Variants in CTNNA2 observed in about 807,000 individuals in gnomAD.
The protein encoded by CTNNA2 is catenin alpha 2, also known as catenin alpha-2.
In CTNNA2, 42 loss-of-function variants were observed where a neutral mutation model predicts 101.0. That is an observed-to-expected ratio of 0.42 (90% CI 0.32 to 0.54). The LOEUF (loss-of-function observed/expected upper bound fraction) is 0.54, where lower values mean the gene tolerates loss of function less well. Ranked by LOEUF, CTNNA2 falls within the 20% of genes least tolerant of loss-of-function variation. The pLI is 0.14. For synonymous variants in CTNNA2, 450 were observed against 456.4 expected (o/e 0.99, Z 0.18); for missense variants, 871 against 1,223.1 (o/e 0.71, Z 4.29).
At chr2:79,522,471 C>A (rs1225381129) in intron 1 of CTNNA2, among the ~76,000 whole-genome samples, 4 of 152,126 alleles carry the variant, frequency 2.6e-5, no homozygotes, top group African/African-American at 4.8e-5. Context: ...ACAGAATGAT[C>A]GAGTGTGTCC....
At chr2:80,018,650 ACGTGCCTGTAGTCCCAGCTACTCG>A (rs1694323026) in intron 7 of CTNNA2, among the ~76,000 whole-genome samples, 1 of 152,010 alleles carries the variant, frequency 6.6e-6, no homozygotes, top group Non-Finnish European at 1.5e-5. Flanking sequence ...GCGTGGTGGC[ACGTGCCTGTAGTCCCAGCTACTCG>A]GGAGGCTGAG....
At chr2:79,945,627 G>A (rs759174785) in intron 7 of CTNNA2, among the ~76,000 whole-genome samples, 68 of 152,186 alleles carry the variant, frequency 4.5e-4, no homozygotes, top group Non-Finnish European at 8.2e-4. Flanking sequence ...AAAGCACTAG[G>A]TTTTTGACTT....
intron 2 of CTNNA2, among the ~76,000 whole-genome samples, chr2:79,727,086 C>G (rs958225069): frequency 6.6e-6 from 1 of 152,208 alleles, no homozygotes; most frequent in African/African-American, 2.4e-5. Flanking sequence ...CTCAAAATCA[C>G]TAGCACATTG....
At chr2:79,211,157 T>C (rs1674167129) in intron 2 of CTNNA2, among the ~76,000 whole-genome samples, 1 of 152,204 alleles carries the variant, frequency 6.6e-6, no homozygotes, top group Admixed American at 6.5e-5. Context: ...TAAGTGGATG[T>C]TTGTTTAAAT....
intron 7 of CTNNA2, among the ~76,000 whole-genome samples, chr2:80,266,537 T>C (rs1673016483): frequency 6.6e-6 from 1 of 152,248 alleles, no homozygotes; most frequent in Admixed American, 6.5e-5. Flanking sequence ...TGATTTGTTA[T>C]ACAATTTTTC....
chr2:79,835,977 T>G (rs1679336259), intron 3 of CTNNA2, among the ~76,000 whole-genome samples: 1 of 152,206 alleles, frequency 6.6e-6, no homozygotes, highest in South Asian at 2.1e-4. Context: ...CTTGCACACC[T>G]CAGTTTTCAC....
At chr2:79,461,490 A>G (rs1160654358) in intron 4 of CTNNA2, among the ~76,000 whole-genome samples, 1 of 152,100 alleles carries the variant, frequency 6.6e-6, no homozygotes, top group East Asian at 1.9e-4. Flanking sequence ...GTTTACATTG[A>G]CACCGTGTTT....
intron 7 of CTNNA2, among the ~76,000 whole-genome samples, chr2:80,329,433 C>G (rs2149260096): frequency 6.6e-6 from 1 of 152,272 alleles, no homozygotes; most frequent in South Asian, 2.1e-4. Flanking sequence ...TTTTCTCTCT[C>G]TTAATGAATG....
At chr2:79,926,773 G>T (rs1687048035) in intron 7 of CTNNA2, among the ~76,000 whole-genome samples, 1 of 151,586 alleles carries the variant, frequency 6.6e-6, no homozygotes, top group African/African-American at 2.4e-5. Flanking sequence ...GTTATGTTTT[G>T]GGAGTTATAC....
At chr2:80,305,342 A>G in intron 7 of CTNNA2, 1 of 985,338 alleles carries the variant, frequency 1.0e-6, no homozygotes, top group Non-Finnish European at 1.2e-6. Flanking sequence ...GTGTGCAGGG[A>G]GACTTGACTG....
At chr2:79,856,202 T>A (rs1325978306) in intron 3 of CTNNA2, among the ~76,000 whole-genome samples, 1 of 152,224 alleles carries the variant, frequency 6.6e-6, no homozygotes, top group Non-Finnish European at 1.5e-5. Flanking sequence ...GATGGTAGCC[T>A]CTTTTAAAAA....
chr2:80,425,695 A>G (rs564829513), intron 9 of CTNNA2, among the ~76,000 whole-genome samples: 1 of 152,198 alleles, frequency 6.6e-6, no homozygotes, highest in East Asian at 1.9e-4. Context: ...TCAGTTTGCT[A>G]TCTATTTTAT....
chr2:80,136,041 T>C (rs1474882617), intron 7 of CTNNA2, among the ~76,000 whole-genome samples: 2 of 152,140 alleles, frequency 1.3e-5, no homozygotes, highest in Non-Finnish European at 2.9e-5. Context: ...ACTAAGTAGG[T>C]AAACTTAATC....
chr2:80,220,366 C>G (rs1320723508), intron 7 of CTNNA2, among the ~76,000 whole-genome samples: 2 of 152,210 alleles, frequency 1.3e-5, no homozygotes, highest in Non-Finnish European at 2.9e-5. Context: ...ATATGGCATC[C>G]ACGTTTTTTC....
intron 4 of CTNNA2, among the ~76,000 whole-genome samples, chr2:79,419,629 A>T (rs371635263): frequency 3.3e-5 from 5 of 152,166 alleles, no homozygotes; most frequent in African/African-American, 1.2e-4. Flanking sequence ...AAATTTATTA[A>T]TGTTCTACAG....
At chr2:80,547,478 G>A (rs539703500) in intron 11 of CTNNA2, among the ~76,000 whole-genome samples, 1 of 152,200 alleles carries the variant, frequency 6.6e-6, no homozygotes, top group South Asian at 2.1e-4. Flanking sequence ...AAGATAGAAA[G>A]GAAATTTCCT....
chr2:79,714,370 C>T (rs549042028), intron 2 of CTNNA2, among the ~76,000 whole-genome samples: 3 of 151,116 alleles, frequency 2.0e-5, no homozygotes, highest in Non-Finnish European at 2.9e-5. Flanking sequence ...GAGGTTGCTT[C>T]CCACTGGAGA....
chr2:79,340,562 G>A (rs976395242), intron 3 of CTNNA2, among the ~76,000 whole-genome samples: 1 of 152,130 alleles, frequency 6.6e-6, no homozygotes, highest in Non-Finnish European at 1.5e-5. Flanking sequence ...GGCCGGGCGT[G>A]GTGGCTCACG....
chr2:79,243,027 C>CACAT (rs1558584664), intron 2 of CTNNA2, among the ~76,000 whole-genome samples: 2 of 150,126 alleles, frequency 1.3e-5, no homozygotes, highest in Admixed American at 6.6e-5. Flanking sequence ...CACACACACA[C>CACAT]ACGTTAATAT....
Sources: gnomAD v4.1 joint callset for allele counts (sites outside exome capture counted in the v4.1 genomes callset) on GRCh38, gnomAD v4.1.1 for gene constraint, MANE v1.5 for transcripts, NCBI Gene and HGNC (gene_info 2026-07-23, HGNC 2026-07-21) for gene names.